The following HEATR6 variants were observed in gnomAD, a reference collection of about 807,000 sequenced individuals.
The protein encoded by HEATR6 is HEAT repeat-containing protein 6.
Under a neutral mutation model 132.8 loss-of-function variants are expected in HEATR6, and 106 were observed. That is an observed-to-expected ratio of 0.80 (90% CI 0.68 to 0.94). The LOEUF is 0.94. Among genes scored for constraint, HEATR6 ranks in the 40% least tolerant of loss-of-function variants. HEATR6 has a pLI of 0.00. For missense variants in HEATR6, 1,339 were observed against 1,425.1 expected (o/e 0.94, Z 0.97); for synonymous variants, 529 against 537.8 (o/e 0.98, Z 0.23).
chr17:60,067,433 C>T lies in HEATR6; in HGVS notation c.1238+1G>A, dbSNP rs370704839. 8 of 1,521,882 alleles carry T rather than the reference C, an allele frequency of 5.3e-6. No individual in the cohort carries two copies. In the African/African-American group the frequency reaches 7.0e-5, roughly 13 times the overall value. The allele number at this position is 1,521,882 out of a possible 1,614,324, so 94.3% of individuals were successfully genotyped here. A position where few individuals can be genotyped will look rare whatever the true frequency, so the allele number is the denominator to read the frequency against. ...ATAAAAATGTAACAAAATACTACTA[C>T]CTCATTTTACTCTGCATGCCTCCTT... is the stretch of plus-strand genomic sequence containing the variant. On this transcript the variant is annotated splice_donor_variant, in intron 8 of 19. Transcript: ENST00000184956. LOFTEE classifies it high-confidence loss of function.
chr17:60,054,828 T>A (rs963333523), intron 14 of HEATR6, among the ~76,000 whole-genome samples: 1 of 152,174 alleles, frequency 6.6e-6, no homozygotes, highest in African/African-American at 2.4e-5. Context: ...TTTGGGGAAC[T>A]ATTGGGAGGA....
At chr17:60,072,388 A>C in intron 4 of HEATR6, 59 bp from the exon 5 acceptor site, 1 of 879,376 alleles carries the variant, frequency 1.1e-6, no homozygotes, top group Non-Finnish European at 1.8e-6. Context: ...AGGCTTGCAA[A>C]AGACTAATTA....
intron 4 of HEATR6, among the ~76,000 whole-genome samples, chr17:60,072,596 T>C (rs1381265496): frequency 6.6e-6 from 1 of 152,176 alleles, no homozygotes; most frequent in African/African-American, 2.4e-5. Flanking sequence ...AGAAAAATCT[T>C]GTTTTAGTTC....
intron 7 of HEATR6, 132 bp downstream of exon 7, chr17:60,069,579 T>C (rs1185427717): frequency 2.0e-5 from 16 of 806,988 alleles, no homozygotes; most frequent in Non-Finnish European, 3.1e-5. Context: ...AAATTTACTA[T>C]GCTAACAACC....
chr17:60,076,329 T>G, intron 1 of HEATR6, 92 bp from the exon 2 acceptor site: 1 of 661,514 alleles, frequency 1.5e-6, no homozygotes, highest in East Asian at 2.8e-5. Flanking sequence ...AAGTAAATAT[T>G]CACATTCAAA....
chr17:60,049,669 G>T lies in HEATR6; in HGVS notation c.2458C>A (p.Leu820Ile), dbSNP rs1411306223. Residue 820 changes from leucine to isoleucine, a missense_variant, in exon 16 of 20, where the codon CTC becomes ATC. Leu to Ile is a conservative substitution (Grantham distance 5, BLOSUM62 2). Transcript: ENST00000184956. ...CGATTCTTGCTGTCATTCAGCCCGA[G>T]CAGCACTGTGATGCACAGCATCTGC... The part of the protein sequence containing the change: ...DRQMLCITVL[L>I]GLNDSKNRLV... 6.2e-7 allele frequency: 1 copy of T among 1,613,510 alleles called. No homozygotes were observed. Among genetic ancestry groups the T allele is most frequent in the Admixed American group, 1.7e-5 (1 of 59,986 alleles).
At position 60,046,116 on chromosome 17, in the gene HEATR6, A is replaced by T. The variant is rs1212534939; in HGVS notation, c.2883T>A (p.Ile961=). ...TGGCAGCTTCTGTTAGAACAGTAGA[A>T]ATTAGGGCCTGGATAGACTCCTCAA... ...EIIEESIQAL[I]STVLTEAAMK... Residue 961 remains isoleucine (I), a synonymous_variant, in exon 19 of 20, where the codon ATT becomes ATA. Transcript: ENST00000184956. 1.2e-6 allele frequency: 2 copies of T among 1,613,860 alleles called. No homozygotes were observed. Among genetic ancestry groups the T allele is most frequent in the African/African-American group, 2.7e-5 (2 of 74,920 alleles).
At chr17:60,070,849 T>C (rs1368687368) in intron 5 of HEATR6, 42 bp from the exon 6 acceptor site, 1 of 1,094,734 alleles carries the variant, frequency 9.1e-7, no homozygotes, top group Admixed American at 1.7e-5. Flanking sequence ...CAGAATAAAA[T>C]CTGGTTGTCC....
chr17:60,064,912 C>T, intron 9 of HEATR6: 1 of 152,300 alleles, frequency 6.6e-6, no homozygotes, highest in East Asian at 1.9e-4. Context: ...CCCCCGTGTC[C>T]CACATCCCCT....
rs765159679 is a variant in HEATR6, at chr17:60,043,905, T to C, written c.3204A>G (p.Leu1068=). The change falls in exon 20 of 20, where the codon CTA becomes CTG. Residue 1068 remains leucine, a synonymous_variant. Coordinates refer to ENST00000184956, the MANE Select transcript of HEATR6 (RefSeq NM_022070.5). ...DFLEFKYCVS[L]RTQICQALIH... ...TCAGTGCCTGGCAGATTTGGGTCCG[T>C]AGGCTGACACAGTACTTGAATTCCA... 7 of 1,614,176 alleles carry C rather than the reference T, an allele frequency of 4.3e-6. No homozygotes were observed. In the South Asian group the frequency reaches 4.4e-5, roughly 10 times the overall value.
chr17:60,067,478 C>T lies in HEATR6; in HGVS notation c.1194G>A (p.Glu398=), dbSNP rs1387789296. 1.3e-5 allele frequency: 20 copies of T among 1,581,004 alleles called. No individual in the cohort carries two copies. Among genetic ancestry groups the T allele is most frequent in the Admixed American group, 5.8e-5 (3 of 52,036 alleles). The change falls in exon 8 of 20, where the codon GAG becomes GAA. Residue 398 remains glutamate, a synonymous_variant. Coordinates refer to ENST00000184956, the MANE Select transcript of HEATR6 (RefSeq NM_022070.5). ...SSSWKRVSSS[E]SDFSDAEGGM... is the part of the protein sequence containing the mutation. ...CTCCTTCAGCATCAGAAAAGTCTGA[C>T]TCACTACTGCTGACCCTTTTCCAAC...
At chr17:60,045,591 T>C (rs1906339061) in intron 19 of HEATR6, among the ~76,000 whole-genome samples, 1 of 152,220 alleles carries the variant, frequency 6.6e-6, no homozygotes, top group Non-Finnish European at 1.5e-5. Flanking sequence ...TCCTTCCTGT[T>C]TTCTTGACCA....
At chr17:60,063,231 G>A (rs1163094522) in intron 9 of HEATR6, 1 of 151,952 alleles carries the variant, frequency 6.6e-6, no homozygotes, top group African/African-American at 2.4e-5. Context: ...TCTAGATTTC[G>A]ATTTGTTTTC....
In HEATR6 at chr17:60,057,155, T is replaced by C. The variant is rs1463147590; in HGVS notation, c.1972A>G (p.Ile658Val). The change falls in exon 12 of 20, where the codon ATT (isoleucine) becomes GTT (valine). Residue 658 changes from isoleucine to valine, a missense_variant. Transcript: ENST00000184956. Reference protein sequence around the residue: ...SEPCWLIRLCISIVVLPKEDS... With the variant: ...SEPCWLIRLCVSIVVLPKEDS... ...TCCTTGGGCAGTACGACAATGGAAA[T>C]GCAGAGTCGAATGAGCCAGCAGGGC... 1.3e-5 allele frequency: 21 copies of C among 1,614,056 alleles called. No homozygotes were observed. Among genetic ancestry groups the C allele is most frequent in the African/African-American group, 2.7e-5 (2 of 74,924 alleles).
rs375224986 is a variant in HEATR6, at chr17:60,059,430, C to A, written c.1715G>T (p.Arg572Leu). The A allele has an allele frequency of 8.1e-6, 13 of 1,607,932 alleles. No homozygotes were observed. The African/African-American group carries it at 1.1e-4, about 13-fold the overall frequency. Residue 572 changes from arginine to leucine, a missense_variant, in exon 11 of 20, where the codon CGC becomes CTC. By Grantham distance (102) the Arg-to-Leu change is moderately radical (BLOSUM62 -2). Coordinates refer to ENST00000184956, the MANE Select transcript of HEATR6 (RefSeq NM_022070.5). ...TTTAAGCCACTACAAACCTTTGTGG[C>A]GAATATAAGGCTTTATCTGGTTCCA... ...KVWNQIKPYI[R>L]HKDVNVRVSS...
chr17:60,059,509 A>T lies in HEATR6; in HGVS notation c.1636T>A (p.Leu546Ile). ...VTQIIKCLAN[L>I]VSNAPYDRLK... ...CGATCATAAGGTGCATTTGATACTA[A>T]ATTTGCAAGGCACTGTAAAACACAA... Residue 546 changes from leucine (L) to isoleucine (I), a missense_variant, in exon 11 of 20, where the codon TTA becomes ATA. Transcript: ENST00000184956. The T allele has an allele frequency of 6.2e-7, 1 of 1,611,940 alleles. No individual in the cohort carries two copies. The highest frequency in any genetic ancestry group is 8.5e-7 in the Non-Finnish European group (1 of 1,178,662).
At chr17:60,048,972 CAT>C (rs1242150061) in intron 16 of HEATR6, among the ~76,000 whole-genome samples, 5 of 59,532 alleles carry the variant, frequency 8.4e-5, no homozygotes, top group East Asian at 4.3e-4. Flanking sequence ...AAATAAATAA[CAT>C]ATATATATAA....
In HEATR6 at chr17:60,073,176, T is replaced by C; in HGVS notation, c.572A>G (p.Asn191Ser). Residue 191 changes from asparagine (N) to serine (S), a missense_variant, in exon 4 of 20, where the codon AAC (asparagine) becomes AGC (serine). By Grantham distance (46) the Asn-to-Ser change is conservative (BLOSUM62 1). Transcript: ENST00000184956. Reference protein sequence around the residue: ...VRRAAVHCMANLCLSVPGQPY... With the variant: ...VRRAAVHCMASLCLSVPGQPY... ...TGGAGCCACATACCTGAGACATAAG[T>C]TTGCCATACAATGTACTGCAGCTCT... The C allele has an allele frequency of 4.4e-6, 7 of 1,601,392 alleles. No homozygotes were observed. The highest frequency in any genetic ancestry group is 6.0e-6 in the Non-Finnish European group (7 of 1,168,510).
At chr17:60,050,743 C>T (rs1906551337) in intron 15 of HEATR6, 100 bp downstream of exon 15, 3 of 1,421,726 alleles carry the variant, frequency 2.1e-6, no homozygotes, top group Middle Eastern at 1.9e-4. Flanking sequence ...GCCTTTTCAT[C>T]AGAGATGATG....
Sources: gnomAD v4.1 joint callset for allele counts (sites outside exome capture counted in the v4.1 genomes callset) on GRCh38, gnomAD v4.1.1 for gene constraint, MANE v1.5 for transcripts, NCBI Gene and HGNC (gene_info 2026-07-23, HGNC 2026-07-21) for gene names.